PCDHGA8: variants seen among roughly 807,000 people sequenced by gnomAD.
PCDHGA8 encodes protocadherin gamma subfamily A, 8.
Under a neutral mutation model 59.2 loss-of-function variants are expected in PCDHGA8, and 45 were observed. The ratio of observed to expected loss-of-function variants is 0.76; its 90% CI spans 0.60 to 0.98. The LOEUF is 0.98. PCDHGA8 is among the 50% of genes least tolerant of loss of function. The pLI, the probability that PCDHGA8 is intolerant of heterozygous loss-of-function variation, is 0.00. For synonymous variants in PCDHGA8, 531 were observed against 519.0 expected (o/e 1.02, Z -0.32); for missense variants, 1,257 against 1,196.2 (o/e 1.05, Z -0.75).
chr5:141,488,113 T>C (rs1053996929), intron 1 of PCDHGA8, among the ~76,000 whole-genome samples: 1 of 152,084 alleles, frequency 6.6e-6, no homozygotes, highest in African/African-American at 2.4e-5. Flanking sequence ...ATTTGAAACA[T>C]AGAGACAGCA....
Position 141,507,461 on chromosome 5 carries a change from G to A in PCDHGA8, c.2572+1980G>A, listed in dbSNP as rs145114393. On this transcript the variant is annotated intron_variant, in intron 3 of 3. Coordinates refer to ENST00000398604, the MANE Select transcript of PCDHGA8 (RefSeq NM_032088.2). ...AGCTGACGGAAGGACAGAGAGAGAG[G>A]TGGCAGGGACTGCTGGCCTCCTGAG... Among the ~76,000 whole-genome samples the A allele has an allele frequency of 3.8e-3, 581 of 152,330 alleles. 5 individuals are homozygous for A. Among genetic ancestry groups the A allele is most frequent in the African/African-American group, 0.012 (485 of 41,570 alleles).
At chr5:141,399,597 C>A in intron 1 of PCDHGA8, 3 of 1,613,958 alleles carry the variant, frequency 1.9e-6, no homozygotes, top group Non-Finnish European at 2.5e-6. Context: ...TCATGGCCAG[C>A]GACCTAGAGC....
chr5:141,473,700 C>G (rs1474416849), intron 1 of PCDHGA8, among the ~76,000 whole-genome samples: 1 of 152,148 alleles, frequency 6.6e-6, no homozygotes, highest in Non-Finnish European at 1.5e-5. Context: ...GACCACCCTC[C>G]AAGTGGTGCA....
intron 1 of PCDHGA8, among the ~76,000 whole-genome samples, chr5:141,492,854 G>A (rs1361942466): frequency 6.6e-6 from 1 of 152,212 alleles, no homozygotes; most frequent in Non-Finnish European, 1.5e-5. Flanking sequence ...AAAGCCTCGA[G>A]CGCCCTGGCT....
chr5:141,469,753 T>C (rs564585597), intron 1 of PCDHGA8, among the ~76,000 whole-genome samples: 1 of 152,322 alleles, frequency 6.6e-6, no homozygotes, highest in East Asian at 1.9e-4. Flanking sequence ...ATTACAAAAA[T>C]ACATATATAC....
rs749415234 is a variant in PCDHGA8, at chr5:141,419,462, C to A, written c.2424+24225C>A. On this transcript the variant is annotated intron_variant, in intron 1 of 3. Transcript: ENST00000398604. Reference sequence around the variant, plus strand: ...CACCTTCGAGCTCACGCTGCAGGCCCGCGACCAGGGCTCGCCCGCGCTCAG... The same window carrying A: ...CACCTTCGAGCTCACGCTGCAGGCCAGCGACCAGGGCTCGCCCGCGCTCAG... 2.5e-6 allele frequency: 4 copies of A among 1,612,582 alleles called. No homozygotes were observed. In the Admixed American group the frequency reaches 6.7e-5, roughly 27 times the overall value.
Position 141,431,142 on chromosome 5 carries a change from A to G in PCDHGA8, c.2424+35905A>G. ...GAAGTAGAAGTAAGGGACATTAACG[A>G]CAATGCGCCTTACTTTCGTGAAAGT... On this transcript the variant is annotated intron_variant, in intron 1 of 3. Coordinates refer to ENST00000398604, the MANE Select transcript of PCDHGA8 (RefSeq NM_032088.2). This position sits in a 1 kb window ranked among gnomAD's most constrained non-coding sequence, Gnocchi z 4.8. 1 of 1,614,240 alleles carries G rather than the reference A, an allele frequency of 6.2e-7. No individual in the cohort carries two copies. Among genetic ancestry groups the G allele is most frequent in the Non-Finnish European group, 8.5e-7 (1 of 1,180,024 alleles).
intron 1 of PCDHGA8, chr5:141,430,951 C>T (rs200771871): frequency 3.2e-5 from 51 of 1,610,496 alleles, no homozygotes; most frequent in African/African-American, 1.5e-4. Context: ...AGCGCGGAGT[C>T]CGCATCATCC....
intron 1 of PCDHGA8, among the ~76,000 whole-genome samples, chr5:141,482,238 A>G (rs560354311): frequency 8.5e-5 from 13 of 152,304 alleles, no homozygotes; most frequent in African/African-American, 2.9e-4. Context: ...TTGCCAATAT[A>G]AGTATAGTAC....
Position 141,476,162 on chromosome 5 carries a change from G to A in PCDHGA8, c.2425-18645G>A. 6.2e-7 allele frequency: 1 copy of A among 1,613,038 alleles called. No homozygotes were observed. Among genetic ancestry groups the A allele is most frequent in the South Asian group, 1.1e-5 (1 of 91,040 alleles). Reference sequence around the variant, plus strand: ...GAGCGGACTGGTAAGCACCGGGAGGGTAGTGGGAGTTTTGCTTCTGCTTGG... The same window carrying A: ...GAGCGGACTGGTAAGCACCGGGAGGATAGTGGGAGTTTTGCTTCTGCTTGG... On this transcript the variant is annotated intron_variant, in intron 1 of 3. Coordinates refer to ENST00000398604, the MANE Select transcript of PCDHGA8 (RefSeq NM_032088.2). The surrounding 1 kb of genome is among the most constrained non-coding windows in gnomAD (Gnocchi z 7.6).
chr5:141,511,267 C>G lies in PCDHGA8; in HGVS notation c.*94C>G. The G allele has an allele frequency of 6.5e-7, 1 of 1,549,404 alleles. No homozygotes were observed. The highest frequency in any genetic ancestry group is 8.7e-7 in the Non-Finnish European group (1 of 1,146,836). On this transcript the variant is annotated 3_prime_UTR_variant, in exon 4 of 4. Coordinates refer to ENST00000398604, the MANE Select transcript of PCDHGA8 (RefSeq NM_032088.2). Reference sequence around the variant, plus strand: ...CCAGGCCTCAGAGTTTCAGGGCTAACCCCCAGAATACTGGTAGGGGCCAAG... The same window carrying G: ...CCAGGCCTCAGAGTTTCAGGGCTAAGCCCCAGAATACTGGTAGGGGCCAAG...
Position 141,486,775 on chromosome 5 carries a change from G to A in PCDHGA8, c.2425-8032G>A, listed in dbSNP as rs2099634725. On this transcript the variant is annotated intron_variant, in intron 1 of 3. Coordinates refer to ENST00000398604, the MANE Select transcript of PCDHGA8 (RefSeq NM_032088.2). This position sits in a 1 kb window ranked among gnomAD's most constrained non-coding sequence, Gnocchi z 5.0. ...AGCAAACCCAGACACTGCAGTTTGA[G>A]GTGCAGGCCCGGGATCGGGGCAACC... 7 of 1,614,122 alleles carry A rather than the reference G, an allele frequency of 4.3e-6. No individual in the cohort carries two copies. Among genetic ancestry groups the A allele is most frequent in the Non-Finnish European group, 5.9e-6 (7 of 1,180,060 alleles).
rs199965876 is a variant in PCDHGA8, at chr5:141,419,464, C to G, written c.2424+24227C>G. ...CCTTCGAGCTCACGCTGCAGGCCCG[C>G]GACCAGGGCTCGCCCGCGCTCAGCG... On this transcript the variant is annotated intron_variant, in intron 1 of 3. Transcript: ENST00000398604. 4 of 1,612,542 alleles carry G rather than the reference C, an allele frequency of 2.5e-6. No homozygotes were observed. In the Admixed American group the frequency reaches 6.7e-5, roughly 27 times the overall value.
At chr5:141,506,863 G>A (rs1162975959) in intron 3 of PCDHGA8, among the ~76,000 whole-genome samples, 1 of 152,120 alleles carries the variant, frequency 6.6e-6, no homozygotes, top group Non-Finnish European at 1.5e-5. Context: ...GAGGACTGGT[G>A]GGTAGAGAAC....
chr5:141,489,297 G>T lies in PCDHGA8; in HGVS notation c.2425-5510G>T. On this transcript the variant is annotated intron_variant, in intron 1 of 3. Transcript: ENST00000398604. This position sits in a 1 kb window ranked among gnomAD's most constrained non-coding sequence, Gnocchi z 4.5. Reference sequence around the variant, plus strand: ...GGAAATGGCAAGTGCTGTGCATGTTGTCCTTGTGCTGCTGGGGCTGGGTGT... The same window carrying T: ...GGAAATGGCAAGTGCTGTGCATGTTTTCCTTGTGCTGCTGGGGCTGGGTGT... 1.9e-6 allele frequency: 3 copies of T among 1,583,774 alleles called. No homozygotes were observed. Among genetic ancestry groups the T allele is most frequent in the Non-Finnish European group, 8.6e-7 (1 of 1,164,904 alleles).
At chr5:141,408,412 G>A in intron 1 of PCDHGA8, 2 of 1,614,052 alleles carry the variant, frequency 1.2e-6, no homozygotes, top group South Asian at 1.1e-5. Flanking sequence ...GAGTGAGCGC[G>A]GAGAAGCTGC....
intron 1 of PCDHGA8, chr5:141,478,354 C>G (rs141625672): frequency 2.8e-5 from 45 of 1,613,660 alleles, no homozygotes; most frequent in Non-Finnish European, 3.2e-5. Flanking sequence ...ACGCGGACGC[C>G]GTGCGGGGAG....
In PCDHGA8 at chr5:141,432,085, G is replaced by A. The variant is rs144065251; in HGVS notation, c.2424+36848G>A. 2.2e-4 allele frequency: 353 copies of A among 1,614,164 alleles called. 1 individual carries two copies. The African/African-American group carries it at 4.2e-3, about 19-fold the overall frequency. ...CGGAAACTCATATCTCGCTGAACGT[G>A]GCAGACACCAACGACAACCCGCCGG... On this transcript the variant is annotated intron_variant, in intron 1 of 3. Transcript: ENST00000398604. This position sits in a 1 kb window ranked among gnomAD's most constrained non-coding sequence, Gnocchi z 6.0.
rs202162316 is a variant in PCDHGA8, at chr5:141,490,194, T to C, written c.2425-4613T>C. ...TTGAGGAGTCACGTTTCTATGAAAT[T>C]CATGCAAGAGCCCGTGACCAGGGAC... is the stretch of plus-strand genomic sequence containing the variant. On this transcript the variant is annotated intron_variant, in intron 1 of 3. Transcript: ENST00000398604. The surrounding 1 kb of genome is among the most constrained non-coding windows in gnomAD (Gnocchi z 5.4). The C allele has an allele frequency of 8.1e-6, 13 of 1,614,186 alleles. No individual in the cohort carries two copies. The highest frequency in any genetic ancestry group is 1.1e-5 in the Non-Finnish European group (13 of 1,180,030).
Sources: gnomAD v4.1 joint callset for allele counts (sites outside exome capture counted in the v4.1 genomes callset) on GRCh38, gnomAD v4.1.1 for gene constraint, Gnocchi (gnomAD v3.1) non-coding constraint, MANE v1.5 for transcripts, NCBI Gene and HGNC (gene_info 2026-07-23, HGNC 2026-07-21) for gene names.